The following ZBTB38 variants were observed in gnomAD, a reference collection of about 807,000 sequenced individuals.
ZBTB38 encodes zinc finger and BTB domain-containing protein 38.
ZBTB38 carries 20 observed loss-of-function variants against 76.8 expected under a neutral mutation model. The observed-to-expected ratio is 0.26, with a 90% CI of 0.18 to 0.38. The LOEUF (loss-of-function observed/expected upper bound fraction) is 0.38. Among genes scored for constraint, ZBTB38 ranks in the 10% least tolerant of loss-of-function variants. The pLI is 1.00. For missense variants in ZBTB38, 1,082 were observed against 1,482.3 expected, an observed-to-expected ratio of 0.73 and a Z score of 4.43; for synonymous variants, 504 against 544.2, an observed-to-expected ratio of 0.93 and a Z score of 1.03.
chr3:141,394,023 T>G, intron 4 of ZBTB38, among the ~76,000 whole-genome samples: 1 of 152,142 alleles, frequency 6.6e-6, no homozygotes, highest in Non-Finnish European at 1.5e-5. Context: ...CTTTCTTTTT[T>G]TTTTTTGAAA....
chr3:141,416,997 G>T (rs183496673), intron 5 of ZBTB38, among the ~76,000 whole-genome samples: 1 of 152,224 alleles, frequency 6.6e-6, no homozygotes, highest in Non-Finnish European at 1.5e-5. Flanking sequence ...TGTTACAGCG[G>T]CCCCAGGAAA....
chr3:141,325,707 G>A (rs1308404472), intron 1 of ZBTB38, among the ~76,000 whole-genome samples: 1 of 152,202 alleles, frequency 6.6e-6, no homozygotes, highest in African/African-American at 2.4e-5. Context: ...AGAGTTTGGT[G>A]AGTTGAAGTG....
chr3:141,354,950 A>T (rs766765270), intron 1 of ZBTB38, among the ~76,000 whole-genome samples: 1 of 152,082 alleles, frequency 6.6e-6, no homozygotes, highest in South Asian at 2.1e-4. Context: ...TCCTGTTTTC[A>T]TCTTATTTTT....
chr3:141,441,032 CAA>C (rs202075469), intron 5 of ZBTB38, among the ~76,000 whole-genome samples: 11,425 of 64,222 alleles, frequency 0.18, 475 homozygotes, highest in East Asian at 0.33. Flanking sequence ...GACTCAATCT[CAA>C]AAAAAAAAAA....
At chr3:141,372,853 A>G (rs1944835214) in intron 2 of ZBTB38, among the ~76,000 whole-genome samples, 1 of 152,212 alleles carries the variant, frequency 6.6e-6, no homozygotes, top group African/African-American at 2.4e-5. Context: ...GGGTCCATTC[A>G]TGTGGGAGAA....
chr3:141,363,151 A>T (rs2148963778), intron 1 of ZBTB38, among the ~76,000 whole-genome samples: 1 of 152,338 alleles, frequency 6.6e-6, no homozygotes, highest in East Asian at 1.9e-4. Flanking sequence ...CCCAGTATAA[A>T]CAATACCAGT....
Position 141,444,874 on chromosome 3 carries a change from C to G in ZBTB38, c.2486C>G (p.Thr829Arg), listed in dbSNP as rs767028221. The change falls in exon 6 of 6, where the codon ACA (threonine) becomes AGA (arginine). Residue 829 changes from threonine (T) to arginine (R), a missense_variant. Thr to Arg is a moderately conservative substitution (Grantham distance 71). Coordinates refer to ENST00000321464, the MANE Select transcript of ZBTB38 (RefSeq NM_001376113.1). This position sits in a 1 kb window ranked among gnomAD's most constrained non-coding sequence, Gnocchi z 5.1. Reference protein sequence around the residue: ...IAKPALPGTSTNSNVAPLCQI... With the variant: ...IAKPALPGTSRNSNVAPLCQI... ...AAACCTGCTCTGCCGGGAACCTCCACAAATAGTAATGTTGCACCCCTTTGC... is the reference window on the plus strand; with the variant it reads ...AAACCTGCTCTGCCGGGAACCTCCAGAAATAGTAATGTTGCACCCCTTTGC... 1.9e-6 allele frequency: 3 copies of G among 1,614,118 alleles called. No homozygotes were observed. The Admixed American group carries it at 5.0e-5, about 27-fold the overall frequency.
At chr3:141,359,562 A>G (rs993118390) in intron 1 of ZBTB38, among the ~76,000 whole-genome samples, 1 of 152,252 alleles carries the variant, frequency 6.6e-6, no homozygotes, top group Admixed American at 6.5e-5. Context: ...TTCTTAGTCC[A>G]GCAAAGGACA....
intron 5 of ZBTB38, chr3:141,432,320 C>T: frequency 1.0e-6 from 1 of 968,120 alleles, no homozygotes; most frequent in Admixed American, 6.2e-5. Context: ...AGACAACTTG[C>T]CATAGATGGA....
intron 1 of ZBTB38, among the ~76,000 whole-genome samples, chr3:141,363,024 G>A (rs1382489839): frequency 6.6e-6 from 1 of 152,094 alleles, no homozygotes; most frequent in Non-Finnish European, 1.5e-5. Flanking sequence ...AAAAGAACTT[G>A]ATACAGTCTA....
intron 5 of ZBTB38, among the ~76,000 whole-genome samples, chr3:141,406,153 A>T (rs150226518): frequency 6.6e-6 from 1 of 152,234 alleles, no homozygotes; most frequent in Non-Finnish European, 1.5e-5. Flanking sequence ...TTGAATGCCA[A>T]CTAGGAATTG....
intron 1 of ZBTB38, among the ~76,000 whole-genome samples, chr3:141,349,480 A>G (rs1332235232): frequency 6.6e-6 from 1 of 152,210 alleles, no homozygotes; most frequent in Non-Finnish European, 1.5e-5. Context: ...CAAACAAACA[A>G]AAAACCCCAA....
In ZBTB38 at chr3:141,444,595, T is replaced by A. The variant is rs2080841078; in HGVS notation, c.2207T>A (p.Met736Lys). The A allele has an allele frequency of 6.2e-7, 1 of 1,614,060 alleles. No homozygotes were observed. Among genetic ancestry groups the A allele is most frequent in the African/African-American group, 1.3e-5 (1 of 74,906 alleles). The change falls in exon 6 of 6, where the codon ATG becomes AAG. Residue 736 changes from methionine (M) to lysine (K), a missense_variant. Coordinates refer to ENST00000321464, the MANE Select transcript of ZBTB38 (RefSeq NM_001376113.1). The surrounding 1 kb of genome is among the most constrained non-coding windows in gnomAD (Gnocchi z 5.1). ...VIMHSNAIAAMTSSNHRAFSD... is the reference protein window; with the variant it reads ...VIMHSNAIAAKTSSNHRAFSD... The stretch of plus-strand genomic sequence containing the variant: ...ATGCACAGCAATGCCATTGCTGCCA[T>A]GACCAGCAGCAACCACAGAGCCTTT...
At chr3:141,436,678 A>G (rs2078873070) in intron 5 of ZBTB38, among the ~76,000 whole-genome samples, 1 of 151,930 alleles carries the variant, frequency 6.6e-6, no homozygotes, top group South Asian at 2.1e-4. Context: ...TTGTATTTTT[A>G]ATAGAGATAG....
intron 5 of ZBTB38, among the ~76,000 whole-genome samples, chr3:141,421,899 C>T (rs79613822): frequency 6.6e-6 from 1 of 152,180 alleles, no homozygotes; most frequent in African/African-American, 2.4e-5. Flanking sequence ...TACCTGGGAC[C>T]CAGGAGCATT....
upstream of ZBTB38, chr3:141,366,811 T>A (rs1227359706): frequency 6.6e-6 from 1 of 152,092 alleles, no homozygotes; most frequent in Non-Finnish European, 1.5e-5. Flanking sequence ...AATGAGACAT[T>A]TACTCTAAGA....
chr3:141,443,519 C>G lies in ZBTB38; in HGVS notation c.1131C>G (p.Asn377Lys). ...TQEPLVCKYCNKQFTTLNRLD... is the reference protein window; with the variant it reads ...TQEPLVCKYCKKQFTTLNRLD... ...AGCCTTTAGTGTGCAAGTATTGCAA[C>G]AAACAATTCACCACCCTGAACAGGT... Residue 377 changes from asparagine (N) to lysine (K), a missense_variant, in exon 6 of 6, where the codon AAC (asparagine) becomes AAG (lysine). Asn to Lys is a moderately conservative substitution (Grantham distance 94, BLOSUM62 0). Transcript: ENST00000321464. This position sits in a 1 kb window ranked among gnomAD's most constrained non-coding sequence, Gnocchi z 5.6. 1 of 1,614,172 alleles carries G rather than the reference C, an allele frequency of 6.2e-7. No individual in the cohort carries two copies. The highest frequency in any genetic ancestry group is 8.5e-7 in the Non-Finnish European group (1 of 1,180,044).
intron 1 of ZBTB38, among the ~76,000 whole-genome samples, chr3:141,337,199 T>C (rs1257624930): frequency 6.6e-6 from 1 of 152,182 alleles, no homozygotes; most frequent in African/African-American, 2.4e-5. Context: ...GTGTTGTTGG[T>C]GTGTGTTTGT....
Position 141,446,084 on chromosome 3 carries a change from A to T in ZBTB38, c.*108A>T, listed in dbSNP as rs961568254. 9.4e-5 allele frequency: 31 copies of T among 330,942 alleles called. No homozygotes were observed. The highest frequency in any genetic ancestry group is 3.7e-4 in the African/African-American group (13 of 34,718). The allele number at this position is 330,942 out of a possible 1,614,324, so 20.5% of individuals were successfully genotyped here. A position where few individuals can be genotyped will look rare whatever the true frequency, so the allele number is the denominator to read the frequency against. Reference sequence around the variant, plus strand: ...GTGACAGTCATGAAGGAGTGAAATTAAAAAAAAAAAAAACTCATTTGTGAA... The same window carrying T: ...GTGACAGTCATGAAGGAGTGAAATTTAAAAAAAAAAAAACTCATTTGTGAA... On this transcript the variant is annotated 3_prime_UTR_variant, in exon 6 of 6. Coordinates refer to ENST00000321464, the MANE Select transcript of ZBTB38 (RefSeq NM_001376113.1).
Sources: allele counts gnomAD v4.1 joint callset (sites outside exome capture counted in the v4.1 genomes callset), GRCh38; gene constraint gnomAD v4.1.1; non-coding constraint Gnocchi (gnomAD v3.1); transcripts MANE v1.5; gene names NCBI Gene and HGNC (gene_info 2026-07-23, HGNC 2026-07-21).